The following ST8SIA4 variants were observed in gnomAD, a reference collection of about 807,000 sequenced individuals.
ST8SIA4 encodes the protein ST8 alpha-N-acetyl-neuraminide alpha-2,8-sialyltransferase 4.
A neutral mutation model predicts 33.9 loss-of-function variants in ST8SIA4; 15 were observed. The observed-to-expected ratio is 0.44, with a 90% confidence interval of 0.30 to 0.68. The LOEUF (loss-of-function observed/expected upper bound fraction) is 0.68. Ranked by LOEUF, ST8SIA4 falls within the 30% of genes least tolerant of loss-of-function variation. The probability of loss-of-function intolerance (pLI) is 0.10; values close to 1 mark genes in which losing one functional copy is unlikely to be tolerated. For synonymous variants in ST8SIA4, 171 were observed against 151.2 expected, an observed-to-expected ratio of 1.13 and a Z score of -0.96; for missense variants, 321 against 428.0, an observed-to-expected ratio of 0.75 and a Z score of 2.21.
chr5:100,825,047 T>A (rs1320247366), intron 4 of ST8SIA4, among the ~76,000 whole-genome samples: 1 of 152,086 alleles, frequency 6.6e-6, no homozygotes, highest in Non-Finnish European at 1.5e-5. Context: ...GGTGACAGTA[T>A]GAGACTATCT....
chr5:100,831,243 A>C (rs553568805), intron 4 of ST8SIA4, among the ~76,000 whole-genome samples: 10 of 152,332 alleles, frequency 6.6e-5, no homozygotes, highest in African/African-American at 2.4e-4. Flanking sequence ...GCTGGTGAAC[A>C]GGCCCAGATG....
At chr5:100,814,950 T>C (rs946071168) in intron 4 of ST8SIA4, among the ~76,000 whole-genome samples, 4 of 151,980 alleles carry the variant, frequency 2.6e-5, no homozygotes, top group Admixed American at 2.6e-4. Context: ...TTATGGAGTC[T>C]ATCAAAAATA....
chr5:100,857,427 G>C (rs1279366807), intron 3 of ST8SIA4, among the ~76,000 whole-genome samples: 1 of 151,390 alleles, frequency 6.6e-6, no homozygotes, highest in Non-Finnish European at 1.5e-5. Flanking sequence ...TAAAAAGGTA[G>C]GTTTTAGTTG....
intron 4 of ST8SIA4, among the ~76,000 whole-genome samples, chr5:100,854,575 T>C (rs556449223): frequency 6.6e-6 from 1 of 152,118 alleles, no homozygotes; most frequent in East Asian, 1.9e-4. Context: ...AGAGTGAGAC[T>C]CTGTCTCAAA....
chr5:100,856,493 T>C, intron 3 of ST8SIA4, 97 bp from the exon 4 acceptor site: 1 of 1,227,662 alleles, frequency 8.1e-7, no homozygotes, highest in Non-Finnish European at 1.1e-6. Flanking sequence ...TAAGCATTTT[T>C]TTAACCATGT....
At chr5:100,900,237 G>A (rs1477732096) in intron 1 of ST8SIA4, 1 of 355,720 alleles carries the variant, frequency 2.8e-6, no homozygotes, top group Non-Finnish European at 5.6e-6. Flanking sequence ...CAAGGACTAT[G>A]GAAGGCCCTT....
chr5:100,867,651 A>T (rs969249448), intron 3 of ST8SIA4, among the ~76,000 whole-genome samples: 1 of 151,968 alleles, frequency 6.6e-6, no homozygotes, highest in Non-Finnish European at 1.5e-5. Flanking sequence ...TGTCGCTTTG[A>T]CATTTAACTT....
chr5:100,888,397 T>C lies in ST8SIA4; in HGVS notation c.246-1797A>G, dbSNP rs141972560. Reference sequence around the variant, plus strand: ...GAACCTGGCCTACAAAAGTCTGGAATTGTTTGATTCTAGGGGTATCCAACA... The same window carrying C: ...GAACCTGGCCTACAAAAGTCTGGAACTGTTTGATTCTAGGGGTATCCAACA... On this transcript the variant is annotated intron_variant, in intron 2 of 4. Coordinates refer to ENST00000231461, the MANE Select transcript of ST8SIA4 (RefSeq NM_005668.6). 3.7e-3 allele frequency among the ~76,000 whole-genome samples: 565 copies of C among 152,002 alleles called. 1 individual carries two copies. The highest frequency in any genetic ancestry group is 0.012 in the African/African-American group (492 of 41,492).
intron 3 of ST8SIA4, among the ~76,000 whole-genome samples, chr5:100,861,475 G>A (rs1161736022): frequency 6.6e-6 from 1 of 152,016 alleles, no homozygotes; most frequent in Non-Finnish European, 1.5e-5. Context: ...ATACTTCTGT[G>A]AAAAGAAAAA....
intron 4 of ST8SIA4, among the ~76,000 whole-genome samples, chr5:100,841,031 C>T (rs1751461338): frequency 6.6e-6 from 1 of 151,442 alleles, no homozygotes; most frequent in Non-Finnish European, 1.5e-5. Flanking sequence ...ATGAGAAAGC[C>T]AAAATAAGGG....
At chr5:100,836,051 T>C (rs986870364) in intron 4 of ST8SIA4, among the ~76,000 whole-genome samples, 3 of 152,096 alleles carry the variant, frequency 2.0e-5, no homozygotes, top group Non-Finnish European at 2.9e-5. Context: ...GGAAGAGTTG[T>C]CTGGAAAGAG....
At chr5:100,883,567 G>T (rs1018687848) in intron 3 of ST8SIA4, among the ~76,000 whole-genome samples, 2 of 152,146 alleles carry the variant, frequency 1.3e-5, no homozygotes, top group South Asian at 2.1e-4. Flanking sequence ...AGGGGCCAGG[G>T]TGGAATGATA....
chr5:100,848,750 A>T (rs1399659975), intron 4 of ST8SIA4, among the ~76,000 whole-genome samples: 3 of 150,728 alleles, frequency 2.0e-5, no homozygotes, highest in Non-Finnish European at 1.5e-5. Context: ...TTTATCAAAA[A>T]AGTTACGCAT....
chr5:100,894,497 T>C (rs1752737837), intron 2 of ST8SIA4, among the ~76,000 whole-genome samples: 1 of 152,088 alleles, frequency 6.6e-6, no homozygotes, highest in Non-Finnish European at 1.5e-5. Context: ...ATTGCCATGA[T>C]TTGATTCCTG....
chr5:100,892,222 T>G (rs1752686321), intron 2 of ST8SIA4, among the ~76,000 whole-genome samples: 1 of 152,106 alleles, frequency 6.6e-6, no homozygotes, highest in Non-Finnish European at 1.5e-5. Flanking sequence ...AAAGTCAAGT[T>G]GCAAGTATTG....
intron 3 of ST8SIA4, among the ~76,000 whole-genome samples, chr5:100,880,996 G>A (rs1468749437): frequency 6.6e-6 from 1 of 152,140 alleles, no homozygotes; most frequent in Non-Finnish European, 1.5e-5. Flanking sequence ...ACATTATAGT[G>A]AATTAAGTGT....
intron 3 of ST8SIA4, chr5:100,886,080 C>A: frequency 1.7e-6 from 2 of 1,178,940 alleles, no homozygotes; most frequent in South Asian, 2.8e-5. Flanking sequence ...AATAAAATTG[C>A]CATTTGCCTC....
intron 4 of ST8SIA4, among the ~76,000 whole-genome samples, chr5:100,817,300 G>A (rs1750948898): frequency 1.3e-5 from 2 of 151,454 alleles, no homozygotes; most frequent in Admixed American, 6.6e-5. Flanking sequence ...ATCTTTGCAG[G>A]ACATATCTGC....
intron 3 of ST8SIA4, among the ~76,000 whole-genome samples, chr5:100,869,085 A>G (rs1752141229): frequency 6.6e-6 from 1 of 152,134 alleles, no homozygotes; most frequent in Non-Finnish European, 1.5e-5. Context: ...CCTTCATTAG[A>G]GTGTGATCAC....
Sources: gnomAD v4.1 joint callset for allele counts (sites outside exome capture counted in the v4.1 genomes callset) on GRCh38, gnomAD v4.1.1 for gene constraint, MANE v1.5 for transcripts, NCBI Gene and HGNC (gene_info 2026-07-23, HGNC 2026-07-21) for gene names.